The following THSD7B variants were observed in gnomAD, a reference collection of about 807,000 sequenced individuals.
THSD7B encodes the protein thrombospondin type-1 domain-containing protein 7B.
Under a neutral mutation model 213.6 loss-of-function variants are expected in THSD7B, and 138 were observed. The observed-to-expected ratio is 0.65, with a 90% CI of 0.56 to 0.74. THSD7B has a LOEUF of 0.74. THSD7B is among the 30% of genes least tolerant of loss of function. The pLI is 0.00. For missense variants in THSD7B, 1,931 were observed against 1,991.5 expected, an observed-to-expected ratio of 0.97 and a Z score of 0.58; for synonymous variants, 742 against 687.0, an observed-to-expected ratio of 1.08 and a Z score of -1.25.
chr2:136,966,495 G>A (rs530366515), intron 2 of THSD7B, among the ~76,000 whole-genome samples: 2 of 152,152 alleles, frequency 1.3e-5, no homozygotes, highest in Non-Finnish European at 2.9e-5. Context: ...GGAATTATAG[G>A]CATGAGCCGC....
At chr2:137,139,373 A>T (rs906296533) in intron 5 of THSD7B, among the ~76,000 whole-genome samples, 4 of 152,160 alleles carry the variant, frequency 2.6e-5, no homozygotes, top group Non-Finnish European at 5.9e-5. Context: ...TAGTGAAAGG[A>T]TCTGCTACTC....
At chr2:137,491,631 G>A (rs1251959537) in intron 15 of THSD7B, among the ~76,000 whole-genome samples, 1 of 152,172 alleles carries the variant, frequency 6.6e-6, no homozygotes, top group African/African-American at 2.4e-5. Context: ...GTTGACAAAT[G>A]TCTTCATACC....
intron 2 of THSD7B, among the ~76,000 whole-genome samples, chr2:136,903,978 T>G (rs551803): frequency 0.13 from 7,883 of 60,928 alleles, 409 homozygotes; most frequent in Non-Finnish European, 0.17. Flanking sequence ...GTGTGTTTGT[T>G]TGTTTCTGAG....
chr2:137,638,621 G>T (rs1682879150), intron 20 of THSD7B, among the ~76,000 whole-genome samples: 1 of 152,196 alleles, frequency 6.6e-6, no homozygotes, highest in Non-Finnish European at 1.5e-5. Context: ...AGAGGGCTCA[G>T]AAGAAGACAA....
At chr2:137,552,449 A>T (rs1680867806) in intron 15 of THSD7B, among the ~76,000 whole-genome samples, 1 of 152,102 alleles carries the variant, frequency 6.6e-6, no homozygotes, top group Non-Finnish European at 1.5e-5. Flanking sequence ...GCTTCCCTCA[A>T]ATTTCAGTTA....
chr2:136,898,728 C>T (rs368473489), intron 2 of THSD7B, among the ~76,000 whole-genome samples: 31 of 151,278 alleles, frequency 2.0e-4, no homozygotes, highest in African/African-American at 5.8e-4. Context: ...TTGCAACCTC[C>T]GCCTCCCAGG....
chr2:137,587,838 G>C (rs932460061), intron 17 of THSD7B, among the ~76,000 whole-genome samples: 3 of 152,154 alleles, frequency 2.0e-5, no homozygotes, highest in Admixed American at 6.5e-5. Flanking sequence ...CTCCATGCTG[G>C]GAGAACCACT....
chr2:137,177,741 G>A (rs1680384996), intron 7 of THSD7B, among the ~76,000 whole-genome samples: 1 of 152,162 alleles, frequency 6.6e-6, no homozygotes, highest in African/African-American at 2.4e-5. Context: ...GCTACAGCAT[G>A]TCTTACAAGG....
chr2:137,160,660 G>T (rs1198058486), intron 6 of THSD7B, among the ~76,000 whole-genome samples: 1 of 152,174 alleles, frequency 6.6e-6, no homozygotes, highest in Non-Finnish European at 1.5e-5. Context: ...GTCTTGCTCT[G>T]TCACCCAGGC....
intron 2 of THSD7B, among the ~76,000 whole-genome samples, chr2:136,956,485 T>A (rs1685126588): frequency 6.6e-6 from 1 of 150,966 alleles, no homozygotes; most frequent in Admixed American, 6.6e-5. Flanking sequence ...CTTAAGAATT[T>A]TTTTAAATTT....
intron 2 of THSD7B, among the ~76,000 whole-genome samples, chr2:136,988,165 GC>G: frequency 6.6e-6 from 1 of 152,208 alleles, no homozygotes; most frequent in Admixed American, 6.5e-5. Context: ...CTCACCTTCA[GC>G]CCCAGGCAAT....
intron 2 of THSD7B, among the ~76,000 whole-genome samples, chr2:137,025,282 C>A (rs950113754): frequency 1.2e-4 from 19 of 152,072 alleles, no homozygotes; most frequent in Non-Finnish European, 2.4e-4. Flanking sequence ...ACGATTTTGG[C>A]CCCAAATGCT....
intron 12 of THSD7B, among the ~76,000 whole-genome samples, chr2:137,401,634 C>CTTT (rs35834967): frequency 3.8e-5 from 5 of 132,674 alleles, no homozygotes; most frequent in South Asian, 2.4e-4. Flanking sequence ...TTCTTTCTTT[C>CTTT]TTTTTTTTTT....
chr2:137,507,253 G>A lies in THSD7B; in HGVS notation c.3139-55968G>A, dbSNP rs1397134531. ...GCTTCTCTTCAAACCACAGAAAATA[G>A]AGCCACCTTAATACAAAGTCAAAGA... On this transcript the variant is annotated intron_variant, in intron 15 of 27. Transcript: ENST00000409968. Among the ~76,000 whole-genome samples, 2 of 152,162 alleles carry A rather than the reference G, an allele frequency of 1.3e-5. 1 individual carries two copies. The highest frequency in any genetic ancestry group is 4.1e-4 in the South Asian group (2 of 4,834).
rs765291530 is a variant in THSD7B, at chr2:137,170,866, A to T, written c.1651A>T (p.Ile551Phe). Residue 551 changes from isoleucine (I) to phenylalanine (F), a missense_variant, in exon 7 of 28, where the codon ATC (isoleucine) becomes TTC (phenylalanine). By Grantham distance (21) the Ile-to-Phe change is conservative. Coordinates refer to ENST00000409968, the MANE Select transcript of THSD7B (RefSeq NM_001316349.2). ...CTACCGATGGCTGGCATCAGAAGGG[A>T]TCTGTTTCCCTGATCATGGAAAATG... is the stretch of plus-strand genomic sequence containing the variant. Reference protein sequence around the residue: ...MCYRWLASEGICFPDHGKCGL... With the variant: ...MCYRWLASEGFCFPDHGKCGL... 3.0e-5 allele frequency: 49 copies of T among 1,613,438 alleles called. 1 individual carries two copies. Among genetic ancestry groups the T allele is most frequent in the Non-Finnish European group, 5.9e-6 (7 of 1,179,778 alleles).
chr2:137,083,452 G>C (rs1420495193), intron 3 of THSD7B, among the ~76,000 whole-genome samples: 1 of 152,026 alleles, frequency 6.6e-6, no homozygotes, highest in Non-Finnish European at 1.5e-5. Flanking sequence ...CATTGCAGAA[G>C]GTGGCAATGC....
intron 2 of THSD7B, among the ~76,000 whole-genome samples, chr2:137,020,672 G>T (rs1434068680): frequency 1.3e-5 from 2 of 152,158 alleles, no homozygotes; most frequent in Admixed American, 1.3e-4. Context: ...CAGGCAGCTG[G>T]ATTATGAGGG....
chr2:137,675,859 T>C (rs1463761390), intron 27 of THSD7B, among the ~76,000 whole-genome samples: 1 of 152,042 alleles, frequency 6.6e-6, no homozygotes, highest in Non-Finnish European at 1.5e-5. Flanking sequence ...AGTTAAGATT[T>C]CCCCATACTA....
chr2:137,074,842 T>G (rs1170732498), intron 3 of THSD7B, among the ~76,000 whole-genome samples: 1 of 152,202 alleles, frequency 6.6e-6, no homozygotes. Flanking sequence ...CCTTCAGTTA[T>G]GAAGCTTGGT....
Sources: allele counts gnomAD v4.1 joint callset (sites outside exome capture counted in the v4.1 genomes callset), GRCh38; gene constraint gnomAD v4.1.1; transcripts MANE v1.5; gene names NCBI Gene and HGNC (gene_info 2026-07-23, HGNC 2026-07-21).